Variants in DNAAF5 observed in about 807,000 individuals in gnomAD.
DNAAF5 encodes the protein dynein axonemal assembly factor 5.
DNAAF5 carries 64 observed loss-of-function variants against 75.8 expected under a neutral mutation model. The ratio of observed to expected loss-of-function variants is 0.84; its 90% CI spans 0.69 to 1.04. The LOEUF (loss-of-function observed/expected upper bound fraction) is 1.04, where lower values mean the gene tolerates loss of function less well. Ranked by LOEUF, DNAAF5 falls within the 50% of genes least tolerant of loss-of-function variation. The pLI, the probability that DNAAF5 is intolerant of heterozygous loss-of-function variation, is 0.00. For synonymous variants in DNAAF5, 657 were observed against 557.2 expected (o/e 1.18, Z -2.52); for missense variants, 1,269 against 1,178.5 (o/e 1.08, Z -1.12).
At chr7:733,277 A>G (rs1157875748) in intron 2 of DNAAF5, among the ~76,000 whole-genome samples, 1 of 152,174 alleles carries the variant, frequency 6.6e-6, no homozygotes, top group Admixed American at 6.5e-5. Flanking sequence ...GGCTTTGGCT[A>G]TTCAACGTCT....
intron 11 of DNAAF5, among the ~76,000 whole-genome samples, chr7:775,659 C>T (rs1313343702): frequency 6.6e-6 from 1 of 152,130 alleles, no homozygotes; most frequent in Non-Finnish European, 1.5e-5. Context: ...AAAAGCAAAG[C>T]TTGAATTTGT....
At chr7:770,813 C>T (rs1474462617) in intron 9 of DNAAF5, 195 bp downstream of exon 9, 8 of 552,386 alleles carry the variant, frequency 1.4e-5, no homozygotes, top group South Asian at 7.7e-5. Context: ...CCCTCCCCCA[C>T]GCCGAGTCTA....
At chr7:766,215 C>T (rs1310761092) in intron 8 of DNAAF5, among the ~76,000 whole-genome samples, 1 of 152,236 alleles carries the variant, frequency 6.6e-6, no homozygotes, top group East Asian at 1.9e-4. Context: ...GTCGGGGGCA[C>T]AGCCTCAAAT....
Position 727,170 on chromosome 7 carries a change from C to T in DNAAF5, c.450C>T (p.Gly150=). 1 of 1,319,552 alleles carries T rather than the reference C, an allele frequency of 7.6e-7. No homozygotes were observed. 81.7% of individuals were successfully genotyped at this position (1,319,552 alleles called of 1,614,324 possible). ...ELRLALVQLL[G]LAVDLCGAAL... ...GCCTGGCGCTTGTGCAGCTGCTGGGCCTGGCCGTGGACCTGTGCGGCGCCG... is the reference window on the plus strand; with the variant it reads ...GCCTGGCGCTTGTGCAGCTGCTGGGTCTGGCCGTGGACCTGTGCGGCGCCG... The change falls in exon 1 of 13, where the codon GGC becomes GGT. Residue 150 remains glycine, a synonymous_variant. Coordinates refer to ENST00000297440, the MANE Select transcript of DNAAF5 (RefSeq NM_017802.4).
intron 11 of DNAAF5, chr7:778,117 C>T (rs191267751): frequency 6.6e-6 from 1 of 152,350 alleles, no homozygotes; most frequent in African/African-American, 2.4e-5. Flanking sequence ...CTCACCTTTG[C>T]TTTTCTGTTT....
intron 2 of DNAAF5, among the ~76,000 whole-genome samples, chr7:739,325 C>T (rs776130678): frequency 6.6e-6 from 1 of 152,138 alleles, no homozygotes; most frequent in Admixed American, 6.5e-5. Flanking sequence ...GTGGCAGGTG[C>T]GGCCGTGGCA....
rs776849856 is a variant in DNAAF5, at chr7:754,412, G to C, written c.1025-177G>C. Among the ~76,000 whole-genome samples, 1 of 152,126 alleles carries C rather than the reference G, an allele frequency of 6.6e-6. No individual in the cohort carries two copies. The highest frequency in any genetic ancestry group is 1.9e-4 in the East Asian group (1 of 5,184). On this transcript the variant is annotated intron_variant, in intron 4 of 12. Transcript: ENST00000297440. This position sits in a 1 kb window ranked among gnomAD's most constrained non-coding sequence, Gnocchi z 4.8. ...AGGGCTAGGACTGCAGCCGTGCACC[G>C]CCTCTGTGAATGTTCTGAACGACGG...
chr7:741,437 T>TCCCCC lies in DNAAF5; in HGVS notation c.999_1000insCCCCC (p.Thr334ProfsTer46). 1.1e-6 allele frequency: 1 copy of TCCCCC among 885,388 alleles called. No homozygotes were observed. Among genetic ancestry groups the TCCCCC allele is most frequent in the South Asian group, 1.5e-5 (1 of 66,038 alleles). The allele number at this position is 885,388 out of a possible 1,614,324, so 54.8% of individuals were successfully genotyped here. On this transcript the variant is annotated frameshift_variant, in exon 4 of 13. Coordinates refer to ENST00000297440, the MANE Select transcript of DNAAF5 (RefSeq NM_017802.4). LOFTEE classifies it high-confidence loss of function. ...TGAAGGACAAGCTGGACTTTGCCCC[T>TCCCCC]CCCACCCCACCCCATTACCCTCCAC...
intron 11 of DNAAF5, 34 bp downstream of exon 11, chr7:775,196 A>T: frequency 6.2e-7 from 1 of 1,604,062 alleles, no homozygotes; most frequent in Non-Finnish European, 8.5e-7. Context: ...GCCTGTGTAT[A>T]TGCAGTCAGC....
chr7:754,879 C>A lies in DNAAF5; in HGVS notation c.1257+58C>A. ...GCTGTAACTCGAGCTTAAGATCCCG[C>A]CTCTGTGGTGTGCGGGGCCCGAGGC... On this transcript the variant is annotated intron_variant, in intron 5 of 12. Transcript: ENST00000297440. This position sits in a 1 kb window ranked among gnomAD's most constrained non-coding sequence, Gnocchi z 4.8. 1.5e-6 allele frequency: 2 copies of A among 1,337,352 alleles called. No homozygotes were observed. Among genetic ancestry groups the A allele is most frequent in the Non-Finnish European group, 1.0e-6 (1 of 967,262 alleles). 82.8% of individuals were successfully genotyped at this position (1,337,352 alleles called of 1,614,324 possible). A position where few individuals can be genotyped will look rare whatever the true frequency, so the allele number is the denominator to read the frequency against.
intron 4 of DNAAF5, among the ~76,000 whole-genome samples, chr7:752,829 T>A (rs1233695534): frequency 6.6e-6 from 1 of 152,256 alleles, no homozygotes; most frequent in African/African-American, 2.4e-5. Context: ...TGTAAGGATT[T>A]ATCTCCAGAG....
intron 4 of DNAAF5, among the ~76,000 whole-genome samples, chr7:748,345 G>A (rs1782183665): frequency 6.6e-6 from 1 of 152,206 alleles, no homozygotes; most frequent in African/African-American, 2.4e-5. Flanking sequence ...GGCCCATGGT[G>A]TTTTACTTTG....
chr7:769,237 A>T (rs1778469221), intron 8 of DNAAF5: 3 of 754,222 alleles, frequency 4.0e-6, no homozygotes, highest in Admixed American at 3.6e-5. Context: ...AAGCCAGTGG[A>T]CGCTCCCTCT....
At chr7:783,309 GGTGA>G (rs1308661808) in intron 12 of DNAAF5, among the ~76,000 whole-genome samples, 6 of 152,176 alleles carry the variant, frequency 3.9e-5, no homozygotes, top group African/African-American at 1.4e-4. Context: ...TGTGCGTGAG[GGTGA>G]GTGTGGCAGG....
intron 6 of DNAAF5, among the ~76,000 whole-genome samples, chr7:758,396 C>T (rs1028572393): frequency 5.9e-5 from 9 of 152,204 alleles, no homozygotes; most frequent in African/African-American, 2.2e-4. Context: ...CCCCATCTTC[C>T]AGTTTTATCG....
In DNAAF5 at chr7:726,714, G is replaced by A; in HGVS notation, c.-7G>A. 2 of 1,239,022 alleles carry A rather than the reference G, an allele frequency of 1.6e-6. No homozygotes were observed. Among genetic ancestry groups the A allele is most frequent in the Non-Finnish European group, 2.0e-6 (2 of 992,232 alleles). The allele number at this position is 1,239,022 out of a possible 1,614,324, so 76.8% of individuals were successfully genotyped here. On this transcript the variant is annotated 5_prime_UTR_variant, in exon 1 of 13. Transcript: ENST00000297440. The stretch of plus-strand genomic sequence containing the variant: ...TGTTCCCCTTAGTGACCGGCGACGC[G>A]GGCAAGATGGCGGCGCTGGGGGTGG...
intron 12 of DNAAF5, among the ~76,000 whole-genome samples, chr7:781,185 C>G (rs898099053): frequency 6.6e-6 from 1 of 152,230 alleles, no homozygotes; most frequent in East Asian, 1.9e-4. Flanking sequence ...GGCCCCATTC[C>G]TCTTCCGAGC....
intron 12 of DNAAF5, among the ~76,000 whole-genome samples, 171 bp from the exon 13 acceptor site, chr7:785,346 C>T (rs1283643492): frequency 3.3e-5 from 5 of 151,300 alleles, no homozygotes; most frequent in South Asian, 2.1e-4. Context: ...CATTGTGAGT[C>T]GGATCACTCG....
intron 2 of DNAAF5, among the ~76,000 whole-genome samples, chr7:731,589 G>A (rs1354735286): frequency 1.3e-5 from 2 of 152,184 alleles, no homozygotes; most frequent in African/African-American, 4.8e-5. Context: ...TCCAACCTGC[G>A]GCCCGTGGGC....
Sources: allele counts gnomAD v4.1 joint callset (sites outside exome capture counted in the v4.1 genomes callset), GRCh38; gene constraint gnomAD v4.1.1; non-coding constraint Gnocchi (gnomAD v3.1); transcripts MANE v1.5; gene names NCBI Gene and HGNC (gene_info 2026-07-23, HGNC 2026-07-21).